Variants in DPEP1 observed in about 807,000 individuals in gnomAD.
DPEP1 encodes beta-lactamase.
A neutral mutation model predicts 42.3 loss-of-function variants in DPEP1; 50 were observed. The observed-to-expected ratio is 1.18, with a 90% CI of 0.94 to 1.50. The LOEUF is 1.50. Ranked by LOEUF, DPEP1 falls within the 40% of genes most tolerant of loss-of-function variation. DPEP1 has a pLI of 0.00. For synonymous variants in DPEP1, 297 were observed against 234.0 expected (o/e 1.27, Z -2.46); for missense variants, 663 against 553.0 (o/e 1.20, Z -1.99).
chr16:89,638,344 A>G lies in DPEP1; in HGVS notation c.*122A>G. The stretch of plus-strand genomic sequence containing the variant: ...GCAAGGACCAGCATCTCCTGAGAGG[A>G]CGCCTGGGCTTACCTGGGGGGCAGG... On this transcript the variant is annotated 3_prime_UTR_variant, in exon 11 of 11. Coordinates refer to ENST00000690203, the MANE Select transcript of DPEP1 (RefSeq NM_001389466.1). 7.0e-7 allele frequency: 1 copy of G among 1,429,490 alleles called. No individual in the cohort carries two copies. The highest frequency in any genetic ancestry group is 9.1e-7 in the Non-Finnish European group (1 of 1,095,662). 88.6% of individuals were successfully genotyped at this position (1,429,490 alleles called of 1,614,324 possible).
intron 4 of DPEP1, 60 bp downstream of exon 4, chr16:89,636,456 G>C: frequency 6.3e-7 from 1 of 1,596,040 alleles, no homozygotes; most frequent in South Asian, 1.1e-5. Flanking sequence ...CTCATCCTGA[G>C]CAGCAGGTGC....
intron 2 of DPEP1, among the ~76,000 whole-genome samples, chr16:89,633,524 A>C (rs1250309718): frequency 6.6e-6 from 1 of 152,232 alleles, no homozygotes; most frequent in East Asian, 1.9e-4. Context: ...CATTGCGGGC[A>C]CATAGATTTG....
At chr16:89,640,026 G>T (rs565778143), downstream of DPEP1, among the ~76,000 whole-genome samples, 6 of 152,282 alleles carry the variant, frequency 3.9e-5, no homozygotes, top group African/African-American at 1.4e-4. Context: ...GTGGCCCCCA[G>T]GCTCCCTCCC....
chr16:89,633,519 C>A (rs532137598), intron 2 of DPEP1, among the ~76,000 whole-genome samples: 1 of 152,200 alleles, frequency 6.6e-6, no homozygotes, highest in Non-Finnish European at 1.5e-5. Context: ...AAGCTCATTG[C>A]GGGCACATAG....
intron 2 of DPEP1, among the ~76,000 whole-genome samples, chr16:89,633,039 C>A (rs2059609695): frequency 6.6e-6 from 1 of 152,164 alleles, no homozygotes; most frequent in Non-Finnish European, 1.5e-5. Context: ...AATCCCTACC[C>A]ATCCCAGGCT....
At chr16:89,618,259 C>T (rs528228822) in intron 1 of DPEP1, among the ~76,000 whole-genome samples, 41 of 152,184 alleles carry the variant, frequency 2.7e-4, no homozygotes, top group African/African-American at 9.2e-4. Context: ...CTCTGTCACC[C>T]GGGCTGGAGT....
At chr16:89,636,099 G>C (rs568960411) in intron 3 of DPEP1, 59 bp downstream of exon 3, 2,180 of 1,563,188 alleles carry the variant, frequency 1.4e-3, no homozygotes, top group Non-Finnish European at 1.8e-3. Context: ...TCCTACCTCA[G>C]GCCTGGCTAC....
At chr16:89,621,081 C>T (rs1021860489) in intron 1 of DPEP1, among the ~76,000 whole-genome samples, 4 of 151,898 alleles carry the variant, frequency 2.6e-5, no homozygotes, top group Admixed American at 2.0e-4. Context: ...GGCCTCAGCT[C>T]CAGGCAGGGG....
intron 7 of DPEP1, 29 bp from the exon 8 acceptor site, chr16:89,637,439 A>G: frequency 6.2e-7 from 1 of 1,612,792 alleles, no homozygotes; most frequent in Non-Finnish European, 8.5e-7. Flanking sequence ...CCCAGCTCTC[A>G]GCTTCACCCT....
intron 2 of DPEP1, among the ~76,000 whole-genome samples, chr16:89,634,417 C>T (rs1463565171): frequency 1.3e-5 from 2 of 152,100 alleles, no homozygotes; most frequent in African/African-American, 4.8e-5. Context: ...ACAGTGGATT[C>T]CCTTTGCTCC....
chr16:89,638,019 C>T, intron 10 of DPEP1, 33 bp from the exon 11 acceptor site: 1 of 1,610,002 alleles, frequency 6.2e-7, no homozygotes, highest in Non-Finnish European at 8.5e-7. Flanking sequence ...CACCAGCAGG[C>T]AGGCTGCCCC....
intron 5 of DPEP1, 90 bp downstream of exon 5, chr16:89,636,773 G>A: frequency 1.2e-6 from 2 of 1,601,494 alleles, no homozygotes; most frequent in Non-Finnish European, 1.7e-6. Flanking sequence ...CATCCCCTCT[G>A]CCTGTGAGTC....
chr16:89,618,342 A>G (rs1211231998), intron 1 of DPEP1, among the ~76,000 whole-genome samples: 1 of 152,072 alleles, frequency 6.6e-6, no homozygotes, highest in African/African-American at 2.4e-5. Flanking sequence ...TCGGTCTGCT[A>G]TGTAGCCAAG....
At chr16:89,620,459 T>G (rs1310418613) in intron 1 of DPEP1, 4 of 152,232 alleles carry the variant, frequency 2.6e-5, no homozygotes, top group Non-Finnish European at 5.9e-5. Context: ...GCACAAGCTC[T>G]CCTGCCTGGC....
Position 89,636,305 on chromosome 16 carries a change from C to T in DPEP1, c.279C>T (p.Asp93=), listed in dbSNP as rs141650009. 4.3e-4 allele frequency: 692 copies of T among 1,612,034 alleles called. 6 individuals carry two copies. The East Asian group carries it at 0.013, about 31-fold the overall frequency. ...CGCCCTGCGACACCCAGAACAAAGACGCCGTGCGGAGGACGCTGGAGCAGA... is the reference window on the plus strand; with the variant it reads ...CGCCCTGCGACACCCAGAACAAAGATGCCGTGCGGAGGACGCTGGAGCAGA... ...VYTPCDTQNK[D]AVRRTLEQMD... is the part of the protein sequence containing the mutation. Residue 93 remains aspartate, a synonymous_variant, in exon 4 of 11, where the codon GAC becomes GAT. Coordinates refer to ENST00000690203, the MANE Select transcript of DPEP1 (RefSeq NM_001389466.1).
rs1484604515 is a variant in DPEP1, at chr16:89,637,236, C to G, written c.624C>G (p.Val208=). 4 of 1,612,708 alleles carry G rather than the reference C, an allele frequency of 2.5e-6. No individual in the cohort carries two copies. The highest frequency in any genetic ancestry group is 1.6e-4 in the Middle Eastern group (1 of 6,062). The stretch of plus-strand genomic sequence containing the variant: ...TGAAGGAGCTGAACCGTCTGGGGGT[C>G]CTCATCGACTTGGCTCACGTGTCTG... ...RVVKELNRLG[V]LIDLAHVSVA... The change falls in exon 7 of 11, where the codon GTC becomes GTG. Residue 208 remains valine, a synonymous_variant. Transcript: ENST00000690203.
chr16:89,637,144 T>A (rs2059691963), intron 6 of DPEP1, 60 bp from the exon 7 acceptor site: 7 of 1,574,468 alleles, frequency 4.4e-6, no homozygotes, highest in Non-Finnish European at 6.0e-6. Context: ...GTCCAGCCCG[T>A]CCACCTCCGC....
chr16:89,638,391 CACACACA>C lies in DPEP1; in HGVS notation c.*170_*176del. On this transcript the variant is annotated 3_prime_UTR_variant, in exon 11 of 11. Coordinates refer to ENST00000690203, the MANE Select transcript of DPEP1 (RefSeq NM_001389466.1). ...CAGGATGCCTGGGGACAGTTCAGGA[CACACACA>C]CAGTAGGCCCGCAATAAAAGCAACA... is the stretch of plus-strand genomic sequence containing the variant. 1.4e-6 allele frequency: 2 copies of C among 1,386,540 alleles called. No homozygotes were observed. Among genetic ancestry groups the C allele is most frequent in the Non-Finnish European group, 1.9e-6 (2 of 1,073,844 alleles). The allele number at this position is 1,386,540 out of a possible 1,614,324, so 85.9% of individuals were successfully genotyped here. A position where few individuals can be genotyped will look rare whatever the true frequency, so the allele number is the denominator to read the frequency against.
intron 1 of DPEP1, among the ~76,000 whole-genome samples, chr16:89,615,353 C>CA (rs1242002455): frequency 6.6e-6 from 1 of 152,158 alleles, no homozygotes; most frequent in Non-Finnish European, 1.5e-5. Context: ...GGCAGGCGGG[C>CA]CTGGCAGGGC....
Sources: gnomAD v4.1 joint callset for allele counts (sites outside exome capture counted in the v4.1 genomes callset) on GRCh38, gnomAD v4.1.1 for gene constraint, MANE v1.5 for transcripts, NCBI Gene and HGNC (gene_info 2026-07-23, HGNC 2026-07-21) for gene names.